The following METTL15 variants were observed in gnomAD, a reference collection of about 807,000 sequenced individuals.
The protein encoded by METTL15 is methyltransferase 15, mitochondrial 12S rRNA N4-cytidine.
METTL15 carries 34 observed loss-of-function variants against 38.3 expected under a neutral mutation model. That is an observed-to-expected ratio of 0.89 (90% CI 0.68 to 1.18). METTL15 has a LOEUF of 1.18. Among genes scored for constraint, METTL15 ranks in the 50% most tolerant of loss-of-function variants. The pLI is 0.00. For missense variants in METTL15, 438 were observed against 498.4 expected (o/e 0.88, Z 1.15); for synonymous variants, 162 against 170.9 (o/e 0.95, Z 0.41).
chr11:28,156,978 T>A (rs922241789), intron 3 of METTL15, among the ~76,000 whole-genome samples: 31 of 152,220 alleles, frequency 2.0e-4, no homozygotes, highest in African/African-American at 7.0e-4. Flanking sequence ...ATAAGATAAA[T>A]GGTATTTAAC....
chr11:28,361,461 A>G (rs1850137671), intron 4 of METTL15, among the ~76,000 whole-genome samples: 1 of 152,128 alleles, frequency 6.6e-6, no homozygotes, highest in Non-Finnish European at 1.5e-5. Flanking sequence ...ACCCTACCTA[A>G]TTTTCTGATA....
chr11:28,224,203 A>G (rs1043832184), intron 4 of METTL15, among the ~76,000 whole-genome samples: 2 of 151,536 alleles, frequency 1.3e-5, no homozygotes, highest in African/African-American at 4.8e-5. Flanking sequence ...CATTATGTAT[A>G]CTCTTTCCTG....
rs535457720 is a variant in METTL15 at position 28,136,486 on chromosome 11, C to T, written c.270+22882C>T. ...AAACCTCTTTCCTTTATAAATTACC[C>T]GGTCTTGGGTATATCTTTATTAGCA... On this transcript the variant is annotated intron_variant, in intron 3 of 6. Coordinates refer to ENST00000407364, the MANE Select transcript of METTL15 (RefSeq NM_001113528.2). Among the ~76,000 whole-genome samples the T allele has an allele frequency of 5.9e-5, 9 of 152,190 alleles. 1 individual carries two copies. The East Asian group carries it at 7.7e-4, about 13-fold the overall frequency.
intron 3 of METTL15, among the ~76,000 whole-genome samples, chr11:28,148,844 C>T (rs1849979121): frequency 6.6e-6 from 1 of 151,928 alleles, no homozygotes; most frequent in Admixed American, 6.6e-5. Flanking sequence ...TTGTTTTCTT[C>T]CTATCACTGT....
chr11:28,328,116 C>T, intron 6 of METTL15: 1 of 1,611,024 alleles, frequency 6.2e-7, no homozygotes, highest in Non-Finnish European at 8.5e-7. Flanking sequence ...ACATATTTCC[C>T]AGTGGCCCAA....
intron 4 of METTL15, among the ~76,000 whole-genome samples, chr11:28,221,895 C>T (rs1853243495): frequency 6.6e-6 from 1 of 152,112 alleles, no homozygotes; most frequent in Non-Finnish European, 1.5e-5. Context: ...AATGTTGCTG[C>T]CTGATCGTTC....
At chr11:28,372,116 T>C (rs1157286107) in intron 5 of METTL15, among the ~76,000 whole-genome samples, 1 of 152,040 alleles carries the variant, frequency 6.6e-6, no homozygotes, top group East Asian at 1.9e-4. Context: ...ACAATGTTAG[T>C]TGTGAATTGG....
At chr11:28,406,200 G>C in intron 5 of METTL15, among the ~76,000 whole-genome samples, 1 of 152,024 alleles carries the variant, frequency 6.6e-6, no homozygotes, top group Non-Finnish European at 1.5e-5. Flanking sequence ...ACTTTGGGCA[G>C]TATGGCCATT....
chr11:28,526,512 T>G (rs1337066695), exon 7 of METTL15: 1 of 152,286 alleles, frequency 6.6e-6, no homozygotes, highest in Admixed American at 6.5e-5. Context: ...TTGGCCTTCA[T>G]AGCTTCTGGT....
At chr11:28,338,040 A>G (rs1450188228), downstream of METTL15, among the ~76,000 whole-genome samples, 1 of 141,976 alleles carries the variant, frequency 7.0e-6, no homozygotes, top group African/African-American at 2.6e-5. Context: ...CCTACTTTTT[A>G]CCCCTGTGTT....
intron 4 of METTL15, among the ~76,000 whole-genome samples, chr11:28,356,976 G>A (rs919940607): frequency 1.3e-5 from 2 of 152,146 alleles, no homozygotes; most frequent in African/African-American, 4.8e-5. Flanking sequence ...AGGAGACTGG[G>A]CACAGTTAGC....
chr11:28,361,672 A>G (rs1183262358), intron 4 of METTL15, among the ~76,000 whole-genome samples: 3 of 152,134 alleles, frequency 2.0e-5, no homozygotes, highest in Non-Finnish European at 2.9e-5. Flanking sequence ...GGGGAGGGGT[A>G]TAAAAGCCCT....
At chr11:28,351,056 A>G (rs996960140) in intron 3 of METTL15, among the ~76,000 whole-genome samples, 6 of 152,122 alleles carry the variant, frequency 3.9e-5, no homozygotes, top group Non-Finnish European at 2.9e-5. Flanking sequence ...AGCAGGGTCT[A>G]CTCTACTTGT....
intron 4 of METTL15, among the ~76,000 whole-genome samples, chr11:28,241,541 G>GAA (rs796511518): frequency 1.0e-5 from 1 of 99,614 alleles, no homozygotes; most frequent in African/African-American, 3.7e-5. Flanking sequence ...CTCAAAAAAA[G>GAA]AAAAAAAAAA....
chr11:28,200,593 G>A (rs1373786494), intron 3 of METTL15, among the ~76,000 whole-genome samples: 2 of 151,954 alleles, frequency 1.3e-5, no homozygotes, highest in Non-Finnish European at 2.9e-5. Context: ...GTCTAATATT[G>A]TGAGAAGTAA....
intron 4 of METTL15, among the ~76,000 whole-genome samples, chr11:28,237,843 T>C (rs1034981698): frequency 6.6e-6 from 1 of 152,178 alleles, no homozygotes; most frequent in Non-Finnish European, 1.5e-5. Context: ...CAGCTGCAGG[T>C]CTGTTGGAGT....
intron 4 of METTL15, among the ~76,000 whole-genome samples, chr11:28,217,444 G>C (rs1242513692): frequency 6.6e-6 from 1 of 152,132 alleles, no homozygotes; most frequent in Non-Finnish European, 1.5e-5. Flanking sequence ...GTTCATTGTA[G>C]ATTCTGGATA....
At chr11:28,255,913 G>T (rs181848832) in intron 4 of METTL15, among the ~76,000 whole-genome samples, 35 of 152,234 alleles carry the variant, frequency 2.3e-4, no homozygotes, top group African/African-American at 8.2e-4. Context: ...ATGTTGGTCA[G>T]GCTGGTCTCG....
At chr11:28,257,879 T>C (rs1472608823) in intron 4 of METTL15, among the ~76,000 whole-genome samples, 1 of 152,230 alleles carries the variant, frequency 6.6e-6, no homozygotes, top group African/African-American at 2.4e-5. Flanking sequence ...TCTTCAGGAT[T>C]GTTCCCTGGT....
Sources: allele counts gnomAD v4.1 joint callset (sites outside exome capture counted in the v4.1 genomes callset), GRCh38; gene constraint gnomAD v4.1.1; transcripts MANE v1.5; gene names NCBI Gene and HGNC (gene_info 2026-07-23, HGNC 2026-07-21).